Variants in RIMS2 observed in about 807,000 individuals in gnomAD.
RIMS2 encodes regulating synaptic membrane exocytosis 2, also known as regulating synaptic membrane exocytosis protein 2.
In RIMS2, 59 loss-of-function variants were observed where a neutral mutation model predicts 174.4. That is an observed-to-expected ratio of 0.34 (90% confidence interval 0.27 to 0.42). RIMS2 has a LOEUF of 0.42. RIMS2 is among the 10% of genes least tolerant of loss of function. The probability of loss-of-function intolerance (pLI) is 1.00; values close to 1 mark genes in which losing one functional copy is unlikely to be tolerated. For missense variants in RIMS2, 1,620 were observed against 1,666.3 expected, an observed-to-expected ratio of 0.97 and a Z score of 0.48; for synonymous variants, 606 against 572.5, an observed-to-expected ratio of 1.06 and a Z score of -0.84.
chr8:104,014,533 G>A, exon 19 of RIMS2: 1 of 1,612,426 alleles, frequency 6.2e-7, no homozygotes, highest in Non-Finnish European at 8.5e-7. Flanking sequence ...GGTCTGTCCA[G>A]ACAAGCCCAT....
chr8:103,933,228 C>T (rs572058492), intron 12 of RIMS2, among the ~76,000 whole-genome samples: 2 of 144,586 alleles, frequency 1.4e-5, no homozygotes, highest in African/African-American at 2.6e-5. Flanking sequence ...GGGAGACAGA[C>T]GTTGCAGTGA....
intron 19 of RIMS2, among the ~76,000 whole-genome samples, chr8:104,037,144 C>T (rs528388511): frequency 6.6e-6 from 1 of 152,176 alleles, no homozygotes; most frequent in East Asian, 1.9e-4. Flanking sequence ...CATCTGTAAA[C>T]TTGGTAAGCA....
rs1402318792 is a variant in RIMS2 at position 104,240,062 on chromosome 8, A to G, written c.3335-4854A>G. ...CATGTGGCCCCTTCCCTCTTCAGGC[A>G]GAGAGAAGTATATTGAATTTTCTTG... On this transcript the variant is annotated intron_variant, in intron 19 of 23. Coordinates refer to ENST00000504942, the Ensembl canonical transcript of RIMS2. 5.3e-5 allele frequency among the ~76,000 whole-genome samples: 8 copies of G among 152,220 alleles called. 1 individual carries two copies. Among genetic ancestry groups the G allele is most frequent in the African/African-American group, 1.9e-4 (8 of 41,454 alleles).
At chr8:104,167,596 C>T (rs1380889453) in intron 19 of RIMS2, among the ~76,000 whole-genome samples, 4 of 151,888 alleles carry the variant, frequency 2.6e-5, no homozygotes, top group Non-Finnish European at 4.4e-5. Context: ...ATGCAAAATT[C>T]GCGAATATTT....
intron 4 of RIMS2, among the ~76,000 whole-genome samples, chr8:103,901,120 C>T (rs1036181230): frequency 3.9e-5 from 6 of 152,070 alleles, no homozygotes; most frequent in South Asian, 2.1e-4. Context: ...ATTTCAGGCT[C>T]CTCTTTATCT....
exon 18 of RIMS2, chr8:104,013,484 A>T: frequency 6.2e-7 from 1 of 1,613,894 alleles, no homozygotes; most frequent in East Asian, 2.2e-5. Context: ...ACAGATCCAG[A>T]TCAACAGAAC....
At chr8:103,546,155 AC>A (rs1844977434) in intron 1 of RIMS2, among the ~76,000 whole-genome samples, 1 of 152,198 alleles carries the variant, frequency 6.6e-6, no homozygotes, top group South Asian at 2.1e-4. Context: ...AAGCATTGAT[AC>A]CCATAGGCTC....
chr8:103,608,890 C>T (rs921819071), intron 1 of RIMS2, among the ~76,000 whole-genome samples: 1 of 152,236 alleles, frequency 6.6e-6, no homozygotes, highest in Non-Finnish European at 1.5e-5. Context: ...CGCCCACTGT[C>T]TGGCACTCCC....
intron 3 of RIMS2, among the ~76,000 whole-genome samples, chr8:103,868,510 T>G (rs1182649253): frequency 6.6e-6 from 1 of 152,066 alleles, no homozygotes; most frequent in Non-Finnish European, 1.5e-5. Flanking sequence ...TTTTAAAGAA[T>G]CTCCTCTTGA....
At chr8:104,154,458 A>G (rs1329648644) in intron 19 of RIMS2, among the ~76,000 whole-genome samples, 1 of 152,218 alleles carries the variant, frequency 6.6e-6, no homozygotes, top group African/African-American at 2.4e-5. Flanking sequence ...TACATTTTTA[A>G]TTAAATTATT....
intron 1 of RIMS2, among the ~76,000 whole-genome samples, chr8:103,645,372 T>C (rs1589618780): frequency 6.6e-6 from 1 of 152,152 alleles, no homozygotes; most frequent in East Asian, 1.9e-4. Flanking sequence ...ACCAATTATA[T>C]TTGTTATTGT....
chr8:103,977,706 C>A (rs1355935192), intron 16 of RIMS2, among the ~76,000 whole-genome samples: 1 of 152,118 alleles, frequency 6.6e-6, no homozygotes, highest in Non-Finnish European at 1.5e-5. Flanking sequence ...ATTGCAAGTC[C>A]CAGATTGTGA....
chr8:104,004,535 A>G (rs1440042953), intron 17 of RIMS2, among the ~76,000 whole-genome samples: 2 of 152,222 alleles, frequency 1.3e-5, no homozygotes, highest in African/African-American at 2.4e-5. Flanking sequence ...AGGTTGCAGT[A>G]GCCTAAGTAT....
At chr8:103,555,163 A>T (rs1849826147) in intron 1 of RIMS2, among the ~76,000 whole-genome samples, 1 of 152,156 alleles carries the variant, frequency 6.6e-6, no homozygotes, top group Non-Finnish European at 1.5e-5. Context: ...AAACCTGCAC[A>T]TGTACCCCTG....
At chr8:104,173,760 C>T (rs1166909727) in intron 19 of RIMS2, among the ~76,000 whole-genome samples, 2 of 149,612 alleles carry the variant, frequency 1.3e-5, no homozygotes, top group Non-Finnish European at 1.5e-5. Context: ...TCCCGAGTAG[C>T]TGGGACTACA....
chr8:103,748,018 C>T (rs2097843094), intron 2 of RIMS2, among the ~76,000 whole-genome samples: 3 of 152,034 alleles, frequency 2.0e-5, no homozygotes, highest in Admixed American at 1.3e-4. Context: ...GATGCTATTG[C>T]TTTTTAGCAG....
In RIMS2 at chr8:103,719,711, C is replaced by T. The variant is rs562994672; in HGVS notation, c.387+22415C>T. On this transcript the variant is annotated intron_variant, in intron 2 of 23. Coordinates refer to ENST00000504942, the Ensembl canonical transcript of RIMS2. The stretch of plus-strand genomic sequence containing the variant: ...AATGTTTCCCAGACCTTTTAGGATG[C>T]ATAGAGCAAATAAGTAAACTTACAC... 3.9e-5 allele frequency among the ~76,000 whole-genome samples: 6 copies of T among 152,202 alleles called. No individual in the cohort carries two copies. The South Asian group carries it at 1.0e-3, about 26-fold the overall frequency.
At chr8:103,631,075 G>C (rs2095907040) in intron 1 of RIMS2, among the ~76,000 whole-genome samples, 1 of 152,158 alleles carries the variant, frequency 6.6e-6, no homozygotes, top group African/African-American at 2.4e-5. Flanking sequence ...TAGGTTGTCT[G>C]TTTACTCTGT....
chr8:103,518,500 A>G (rs536859312), intron 1 of RIMS2, among the ~76,000 whole-genome samples: 4 of 152,202 alleles, frequency 2.6e-5, no homozygotes, highest in Admixed American at 6.5e-5. Flanking sequence ...TGTCATATGG[A>G]AAGCAGGTAT....
Sources: gnomAD v4.1 joint callset for allele counts (sites outside exome capture counted in the v4.1 genomes callset) on GRCh38, gnomAD v4.1.1 for gene constraint, MANE v1.5 for transcripts, NCBI Gene and HGNC (gene_info 2026-07-23, HGNC 2026-07-21) for gene names.